Variants in PIGU observed in about 807,000 individuals in gnomAD.
PIGU encodes GPI-anchor transamidase component PIGU.
Under a neutral mutation model 49.9 loss-of-function variants are expected in PIGU, and 24 were observed. The ratio of observed to expected loss-of-function variants is 0.48; its 90% CI spans 0.35 to 0.68. The LOEUF is 0.68. PIGU is among the 30% of genes least tolerant of loss of function. PIGU has a pLI of 0.01. For synonymous variants in PIGU, 220 were observed against 205.7 expected (o/e 1.07, Z -0.59); for missense variants, 490 against 532.6 (o/e 0.92, Z 0.79).
chr20:34,576,836 G>GATTTCCCAT (rs952334724), intron 10 of PIGU, among the ~76,000 whole-genome samples: 1 of 152,170 alleles, frequency 6.6e-6, no homozygotes, highest in Non-Finnish European at 1.5e-5. Flanking sequence ...TTGGGCAGAA[G>GATTTCCCAT]ATTTCCCATA....
At chr20:34,672,867 A>T (rs1600678409) in intron 1 of PIGU, among the ~76,000 whole-genome samples, 1 of 150,546 alleles carries the variant, frequency 6.6e-6, no homozygotes, top group East Asian at 1.9e-4. Flanking sequence ...AAAAAAAAAA[A>T]AAAAAAAAAA....
intron 11 of PIGU, 87 bp from the exon 12 acceptor site, chr20:34,561,066 G>T: frequency 2.2e-6 from 2 of 896,452 alleles, no homozygotes; most frequent in East Asian, 2.8e-5. Context: ...GTTGTTGGAA[G>T]ACAGGAACGC....
intron 6 of PIGU, among the ~76,000 whole-genome samples, chr20:34,631,831 T>G (rs2146757800): frequency 9.2e-6 from 1 of 108,868 alleles, no homozygotes; most frequent in African/African-American, 3.3e-5. Context: ...GAGACGGGGT[T>G]TCACCGTGTT....
At chr20:34,563,602 A>T (rs1238836325) in intron 11 of PIGU, among the ~76,000 whole-genome samples, 1 of 142,188 alleles carries the variant, frequency 7.0e-6, no homozygotes, top group Non-Finnish European at 1.5e-5. Flanking sequence ...TCAGCCAATA[A>T]ATCAATGAAT....
chr20:34,627,967 C>T (rs964452563), intron 6 of PIGU, among the ~76,000 whole-genome samples: 1 of 152,090 alleles, frequency 6.6e-6, no homozygotes, highest in Non-Finnish European at 1.5e-5. Context: ...ACTAATAGGC[C>T]TACAGAAAGA....
At chr20:34,668,253 A>G (rs1362311222) in intron 1 of PIGU, among the ~76,000 whole-genome samples, 1 of 151,930 alleles carries the variant, frequency 6.6e-6, no homozygotes, top group African/African-American at 2.4e-5. Context: ...ACCTGAGGTC[A>G]GGAATTCGAT....
chr20:34,562,537 C>A (rs930291387), intron 11 of PIGU: 3 of 1,289,256 alleles, frequency 2.3e-6, no homozygotes, highest in Non-Finnish European at 3.0e-6. Flanking sequence ...AGGACAAGTA[C>A]CTGCCATTCT....
intron 1 of PIGU, among the ~76,000 whole-genome samples, chr20:34,672,888 A>G (rs1987354745): frequency 1.4e-5 from 2 of 146,694 alleles, no homozygotes; most frequent in South Asian, 4.3e-4. Context: ...AAATCAGTCC[A>G]TACTATAGCC....
At chr20:34,628,881 T>C (rs1420560953) in intron 6 of PIGU, among the ~76,000 whole-genome samples, 3 of 152,098 alleles carry the variant, frequency 2.0e-5, no homozygotes, top group Admixed American at 2.0e-4. Context: ...TTTATTGATA[T>C]ATGTTATATG....
At chr20:34,665,495 G>A (rs1044408295) in intron 1 of PIGU, among the ~76,000 whole-genome samples, 2 of 151,504 alleles carry the variant, frequency 1.3e-5, no homozygotes, top group Admixed American at 6.6e-5. Context: ...GAGCCACCGC[G>A]CCCGGCCCAA....
chr20:34,674,738 GCAA>G (rs1300450503), intron 1 of PIGU, among the ~76,000 whole-genome samples: 3 of 151,774 alleles, frequency 2.0e-5, no homozygotes, highest in Non-Finnish European at 4.4e-5. Flanking sequence ...ACCAGCCTAA[GCAA>G]CATGGTGAAA....
chr20:34,616,214 A>G (rs982807862), intron 6 of PIGU, 75 bp from the exon 7 acceptor site: 20 of 1,512,050 alleles, frequency 1.3e-5, no homozygotes, highest in Non-Finnish European at 1.8e-5. Context: ...CCCTCTCAAC[A>G]CAAAACTTTC....
intron 1 of PIGU, among the ~76,000 whole-genome samples, chr20:34,674,295 C>A (rs1376698587): frequency 1.3e-5 from 2 of 151,772 alleles, no homozygotes; most frequent in African/African-American, 4.8e-5. Flanking sequence ...GCGGAGGTTG[C>A]AGTGAGCCGA....
chr20:34,635,245 G>T (rs1217888121), intron 5 of PIGU, among the ~76,000 whole-genome samples: 1 of 152,198 alleles, frequency 6.6e-6, no homozygotes, highest in Admixed American at 6.5e-5. Context: ...CCTCAGTCAG[G>T]CTCCTAAGCC....
intron 7 of PIGU, among the ~76,000 whole-genome samples, chr20:34,597,498 G>A (rs902002268): frequency 1.3e-5 from 2 of 152,272 alleles, no homozygotes; most frequent in South Asian, 2.1e-4. Flanking sequence ...GAAAGGACCC[G>A]AAGATACTTT....
chr20:34,582,869 G>C lies in PIGU; in HGVS notation c.927-1197C>G, dbSNP rs143998960. ...AGCTCTGGTCAGGAGAGAGTTGGGG[G>C]ACAGAGCTCAATCTCGGTGCCCCTC... On this transcript the variant is annotated intron_variant, in intron 9 of 11. Coordinates refer to ENST00000217446, the MANE Select transcript of PIGU (RefSeq NM_080476.5). 1.3e-4 allele frequency among the ~76,000 whole-genome samples: 20 copies of C among 152,146 alleles called. No individual in the cohort carries two copies. The East Asian group carries it at 3.7e-3, about 28-fold the overall frequency.
intron 1 of PIGU, among the ~76,000 whole-genome samples, chr20:34,660,788 C>T (rs959913300): frequency 6.6e-6 from 1 of 152,056 alleles, no homozygotes; most frequent in African/African-American, 2.4e-5. Context: ...GAGACTAAGG[C>T]GACAAAACAA....
At chr20:34,627,725 C>A (rs1192689198) in intron 6 of PIGU, among the ~76,000 whole-genome samples, 2 of 152,118 alleles carry the variant, frequency 1.3e-5, no homozygotes, top group African/African-American at 4.8e-5. Context: ...GTCCCTTCTG[C>A]CAGGCTGCTG....
rs1568631429 is a variant in PIGU at position 34,595,114 on chromosome 20, A to AAAAAG, written c.628-6512_628-6508dup. ...CCGTCTCAAAAAAAAAAAAAAAAAA[A>AAAAAG]AAAAGAAAAGAAAATATACATATAT... On this transcript the variant is annotated intron_variant, in intron 7 of 11. Coordinates refer to ENST00000217446, the MANE Select transcript of PIGU (RefSeq NM_080476.5). Among the ~76,000 whole-genome samples, 52 of 149,170 alleles carry AAAAAG rather than the reference A, an allele frequency of 3.5e-4. 1 individual carries two copies. Among genetic ancestry groups the AAAAAG allele is most frequent in the Middle Eastern group, 3.5e-3 (1 of 284 alleles).
Sources: gnomAD v4.1 joint callset for allele counts (sites outside exome capture counted in the v4.1 genomes callset) on GRCh38, gnomAD v4.1.1 for gene constraint, MANE v1.5 for transcripts, NCBI Gene and HGNC (gene_info 2026-07-23, HGNC 2026-07-21) for gene names.